The following SGCZ variants were observed in gnomAD, a reference collection of about 807,000 sequenced individuals.
SGCZ encodes zeta-sarcoglycan.
Under a neutral mutation model 41.3 loss-of-function variants are expected in SGCZ, and 40 were observed. The ratio of observed to expected loss-of-function variants is 0.97; its 90% CI spans 0.75 to 1.26. The LOEUF is 1.26. Ranked by LOEUF, SGCZ falls within the 50% of genes most tolerant of loss-of-function variation. The pLI is 0.00. For missense variants in SGCZ, 552 were observed against 369.8 expected (o/e 1.49, Z -4.04); for synonymous variants, 206 against 137.5 (o/e 1.50, Z -3.49).
chr8:14,296,311 G>A (rs1801011596), intron 3 of SGCZ, among the ~76,000 whole-genome samples: 1 of 152,142 alleles, frequency 6.6e-6, no homozygotes, highest in African/African-American at 2.4e-5. Flanking sequence ...AGCAATCCAT[G>A]ATCCATACCC....
intron 5 of SGCZ, among the ~76,000 whole-genome samples, chr8:14,114,715 T>G (rs1802472805): frequency 6.6e-6 from 1 of 151,962 alleles, no homozygotes; most frequent in African/African-American, 2.4e-5. Flanking sequence ...ATTTCAGAAA[T>G]AAGTTGTTTG....
chr8:14,310,767 T>C (rs1322502887), intron 3 of SGCZ, among the ~76,000 whole-genome samples: 5 of 152,174 alleles, frequency 3.3e-5, no homozygotes, highest in Admixed American at 2.6e-4. Flanking sequence ...CTCTGTATTA[T>C]GTCTTCTTTT....
At chr8:14,214,167 C>T (rs1393172253) in intron 4 of SGCZ, among the ~76,000 whole-genome samples, 1 of 152,094 alleles carries the variant, frequency 6.6e-6, no homozygotes, top group South Asian at 2.1e-4. Flanking sequence ...CTTCTGTCCT[C>T]CCCAGAACAC....
At position 14,324,275 on chromosome 8, in the gene SGCZ, G is replaced by C. The variant is rs548022229; in HGVS notation, c.235-71C>G. On this transcript the variant is annotated intron_variant, in intron 2 of 7. Coordinates refer to ENST00000382080, the MANE Select transcript of SGCZ (RefSeq NM_139167.4). Reference sequence around the variant, plus strand: ...GAATATCTGGCCATAATTTTCTTAGGCCTAAATTGAGAAAACAGTGAGCTC... The same window carrying C: ...GAATATCTGGCCATAATTTTCTTAGCCCTAAATTGAGAAAACAGTGAGCTC... 16 of 1,101,724 alleles carry C rather than the reference G, an allele frequency of 1.5e-5. No individual in the cohort carries two copies. In the South Asian group the frequency reaches 1.7e-4, roughly 11 times the overall value. 68.2% of individuals were successfully genotyped at this position (1,101,724 alleles called of 1,614,324 possible).
intron 1 of SGCZ, among the ~76,000 whole-genome samples, chr8:14,646,927 T>C (rs1340509341): frequency 6.6e-6 from 1 of 151,954 alleles, no homozygotes; most frequent in Non-Finnish European, 1.5e-5. Flanking sequence ...TTATACTTCT[T>C]TTAAGACTCT....
chr8:14,749,367 C>T (rs1244712128), intron 1 of SGCZ, among the ~76,000 whole-genome samples: 1 of 152,030 alleles, frequency 6.6e-6, no homozygotes, highest in African/African-American at 2.4e-5. Flanking sequence ...AGAAATAGTC[C>T]CAAACTCATC....
chr8:14,303,407 T>A (rs1439911063), intron 3 of SGCZ, among the ~76,000 whole-genome samples: 3 of 152,094 alleles, frequency 2.0e-5, no homozygotes, highest in Non-Finnish European at 4.4e-5. Context: ...TTATATATAT[T>A]ACAAAGGACA....
At chr8:14,447,640 T>C (rs1345657373) in intron 2 of SGCZ, among the ~76,000 whole-genome samples, 4 of 152,154 alleles carry the variant, frequency 2.6e-5, no homozygotes, top group Non-Finnish European at 4.4e-5. Flanking sequence ...CATTAATTAT[T>C]TACTTGCATG....
intron 1 of SGCZ, among the ~76,000 whole-genome samples, chr8:14,688,942 A>C (rs570112815): frequency 9.5e-4 from 144 of 152,272 alleles, no homozygotes; most frequent in African/African-American, 3.3e-3. Flanking sequence ...AATATACAAA[A>C]ATCACAAGCA....
At chr8:14,982,660 G>A (rs867136098) in intron 1 of SGCZ, among the ~76,000 whole-genome samples, 42 of 152,136 alleles carry the variant, frequency 2.8e-4, no homozygotes, top group Admixed American at 4.6e-4. Flanking sequence ...TAGGTAAAGC[G>A]TTAAGTGCAG....
intron 1 of SGCZ, among the ~76,000 whole-genome samples, chr8:14,773,126 G>A (rs929902838): frequency 1.3e-5 from 2 of 152,138 alleles, no homozygotes; most frequent in African/African-American, 4.8e-5. Context: ...CATTCTAACT[G>A]GTGTGAGATG....
chr8:14,588,290 T>C (rs1386641731), intron 1 of SGCZ, among the ~76,000 whole-genome samples: 1 of 151,274 alleles, frequency 6.6e-6, no homozygotes, highest in Admixed American at 6.6e-5. Context: ...TTTCAGGAAA[T>C]GGTATACTTG....
chr8:14,101,295 A>G (rs1486044672), intron 7 of SGCZ, among the ~76,000 whole-genome samples: 1 of 152,148 alleles, frequency 6.6e-6, no homozygotes, highest in African/African-American at 2.4e-5. Context: ...GGAGAGGGTA[A>G]GAGATGTGGA....
At chr8:14,739,949 A>T (rs956884463) in intron 1 of SGCZ, among the ~76,000 whole-genome samples, 1 of 152,016 alleles carries the variant, frequency 6.6e-6, no homozygotes, top group African/African-American at 2.4e-5. Flanking sequence ...TATATAATAA[A>T]CAACATCTGC....
intron 1 of SGCZ, among the ~76,000 whole-genome samples, chr8:15,151,119 G>C (rs185755096): frequency 6.6e-6 from 1 of 152,342 alleles, no homozygotes; most frequent in East Asian, 1.9e-4. Context: ...GGAGGATGGA[G>C]GCTGTCTATT....
At chr8:14,520,911 T>C (rs947020409) in intron 2 of SGCZ, among the ~76,000 whole-genome samples, 1 of 152,196 alleles carries the variant, frequency 6.6e-6, no homozygotes, top group South Asian at 2.1e-4. Context: ...TGTTTGCATT[T>C]GCTATAAACT....
chr8:14,260,189 C>T (rs1281891892), intron 3 of SGCZ, among the ~76,000 whole-genome samples: 6 of 151,938 alleles, frequency 3.9e-5, no homozygotes, highest in African/African-American at 1.5e-4. Flanking sequence ...ATTTTCGCAA[C>T]CTACTCATCT....
intron 6 of SGCZ, among the ~76,000 whole-genome samples, chr8:14,106,318 A>G (rs1314049626): frequency 6.6e-6 from 1 of 152,236 alleles, no homozygotes; most frequent in Non-Finnish European, 1.5e-5. Context: ...AAAAAGAGCC[A>G]TAAATGAAGA....
At chr8:14,108,548 A>G (rs950466260) in intron 5 of SGCZ, among the ~76,000 whole-genome samples, 22 of 152,094 alleles carry the variant, frequency 1.4e-4, no homozygotes, top group African/African-American at 1.2e-4. Flanking sequence ...TGATAATACC[A>G]TCAGATCTCG....
Sources: gnomAD v4.1 joint callset for allele counts (sites outside exome capture counted in the v4.1 genomes callset) on GRCh38, gnomAD v4.1.1 for gene constraint, MANE v1.5 for transcripts, NCBI Gene and HGNC (gene_info 2026-07-23, HGNC 2026-07-21) for gene names.